The following AP3S1 variants were observed in gnomAD, a reference collection of about 807,000 sequenced individuals.
AP3S1 encodes the protein AP-3 complex subunit sigma-1.
A neutral mutation model predicts 21.3 loss-of-function variants in AP3S1; 12 were observed. The ratio of observed to expected loss-of-function variants is 0.56; its 90% confidence interval spans 0.36 to 0.91. The LOEUF is 0.91. AP3S1 is among the 40% of genes least tolerant of loss of function. AP3S1 has a pLI of 0.01. For synonymous variants in AP3S1, 48 were observed against 78.4 expected, an observed-to-expected ratio of 0.61 and a Z score of 2.05; for missense variants, 116 against 225.0, an observed-to-expected ratio of 0.52 and a Z score of 3.10.
At chr5:115,872,466 C>T (rs561086553) in intron 3 of AP3S1, among the ~76,000 whole-genome samples, 57 of 152,002 alleles carry the variant, frequency 3.7e-4, no homozygotes, top group Middle Eastern at 3.4e-3. Flanking sequence ...GTATATGTTT[C>T]TTCTTTGTTT....
At chr5:115,856,642 C>T (rs1417065863) in intron 1 of AP3S1, among the ~76,000 whole-genome samples, 3 of 151,310 alleles carry the variant, frequency 2.0e-5, no homozygotes, top group Non-Finnish European at 4.4e-5. Flanking sequence ...GTTTTTAAAA[C>T]GTTGTTGTTG....
At chr5:115,897,236 CAAT>C (rs1750827540) in intron 4 of AP3S1, among the ~76,000 whole-genome samples, 1 of 152,104 alleles carries the variant, frequency 6.6e-6, no homozygotes, top group Non-Finnish European at 1.5e-5. Context: ...TGGGATCATA[CAAT>C]ATGTATTTTG....
At chr5:115,908,391 A>C (rs1276430292) in intron 5 of AP3S1, among the ~76,000 whole-genome samples, 1 of 152,112 alleles carries the variant, frequency 6.6e-6, no homozygotes, top group Non-Finnish European at 1.5e-5. Flanking sequence ...CAAAGAGGAG[A>C]GAATAAGAAA....
intron 1 of AP3S1, among the ~76,000 whole-genome samples, chr5:115,846,095 T>C (rs1762042968): frequency 6.6e-6 from 1 of 152,166 alleles, no homozygotes; most frequent in South Asian, 2.1e-4. Context: ...AAACTAAATA[T>C]ATTTTTACAT....
intron 3 of AP3S1, among the ~76,000 whole-genome samples, chr5:115,874,689 G>A (rs1748550624): frequency 6.6e-6 from 1 of 152,044 alleles, no homozygotes; most frequent in South Asian, 2.1e-4. Context: ...ACTACCTTTT[G>A]AGGAATTATT....
chr5:115,910,281 A>C (rs2112595240), intron 5 of AP3S1, among the ~76,000 whole-genome samples: 1 of 151,914 alleles, frequency 6.6e-6, no homozygotes, highest in East Asian at 1.9e-4. Context: ...AAAAAAAAAA[A>C]AAAAAAGTTA....
intron 4 of AP3S1, among the ~76,000 whole-genome samples, chr5:115,900,493 C>T (rs1309659975): frequency 6.6e-6 from 1 of 152,188 alleles, no homozygotes; most frequent in Non-Finnish European, 1.5e-5. Flanking sequence ...TATTCATTTC[C>T]TGTTCCAGAC....
chr5:115,875,175 A>G (rs1748594931), intron 3 of AP3S1, among the ~76,000 whole-genome samples: 1 of 152,164 alleles, frequency 6.6e-6, no homozygotes, highest in African/African-American at 2.4e-5. Context: ...TCTCATTGTT[A>G]GAAGCATTTT....
intron 3 of AP3S1, among the ~76,000 whole-genome samples, chr5:115,889,828 A>G (rs116688331): frequency 0.014 from 2,105 of 152,298 alleles, 17 homozygotes; most frequent in Non-Finnish European, 0.017. Flanking sequence ...AATGATAAAA[A>G]GACCAATAGA....
intron 3 of AP3S1, among the ~76,000 whole-genome samples, chr5:115,883,442 C>G (rs1749486855): frequency 6.6e-6 from 1 of 152,226 alleles, no homozygotes; most frequent in South Asian, 2.1e-4. Context: ...TCACAACTTC[C>G]CTTGGCTACA....
intron 3 of AP3S1, among the ~76,000 whole-genome samples, chr5:115,892,299 C>T (rs746458563): frequency 5.3e-5 from 8 of 152,186 alleles, no homozygotes; most frequent in Admixed American, 2.6e-4. Flanking sequence ...ATCCAGCTCA[C>T]TGCTGGGTAT....
rs576139602 is a variant in AP3S1, at chr5:115,898,452, G to A, written c.345+3294G>A. On this transcript the variant is annotated intron_variant, in intron 4 of 5. Coordinates refer to ENST00000316788, the MANE Select transcript of AP3S1 (RefSeq NM_001284.4). ...GACAGACCCACCCCTACTCACAATT[G>A]GTTTGGATGTAGAGACTAACAATGT... is the stretch of plus-strand genomic sequence containing the variant. Among the ~76,000 whole-genome samples, 7 of 152,280 alleles carry A rather than the reference G, an allele frequency of 4.6e-5. No homozygotes were observed. In the South Asian group the frequency reaches 1.5e-3, roughly 32 times the overall value.
intron 3 of AP3S1, among the ~76,000 whole-genome samples, chr5:115,875,425 T>C (rs933640545): frequency 1.3e-5 from 2 of 152,188 alleles, no homozygotes; most frequent in African/African-American, 4.8e-5. Context: ...TCATCTATCA[T>C]GATGGTAGGC....
intron 1 of AP3S1, among the ~76,000 whole-genome samples, chr5:115,846,487 AAACTGTATTT>A (rs1561467107): frequency 6.6e-6 from 1 of 152,188 alleles, no homozygotes; most frequent in African/African-American, 2.4e-5. Flanking sequence ...TTTTTTTAAT[AAACTGTATTT>A]AATTAAACTG....
intron 1 of AP3S1, among the ~76,000 whole-genome samples, chr5:115,851,874 T>C (rs1762462111): frequency 6.6e-6 from 1 of 152,074 alleles, no homozygotes; most frequent in African/African-American, 2.4e-5. Context: ...TTGCTTTTGG[T>C]ATCATACCCA....
chr5:115,853,200 T>G (rs1762567796), intron 1 of AP3S1, among the ~76,000 whole-genome samples: 2 of 152,332 alleles, frequency 1.3e-5, no homozygotes, highest in Middle Eastern at 3.4e-3. Context: ...TATTGTGATT[T>G]TCACTTACAT....
At chr5:115,891,662 A>G (rs571615146) in intron 3 of AP3S1, among the ~76,000 whole-genome samples, 2 of 152,322 alleles carry the variant, frequency 1.3e-5, no homozygotes, top group Admixed American at 6.5e-5. Flanking sequence ...GAGCCCCCAC[A>G]CAGAGTCCGT....
chr5:115,867,385 A>C (rs991176787), intron 2 of AP3S1, among the ~76,000 whole-genome samples: 1 of 152,244 alleles, frequency 6.6e-6, no homozygotes, highest in East Asian at 1.9e-4. Flanking sequence ...CAATTTTTCT[A>C]TTTTTAAAAT....
At chr5:115,845,874 A>AAAAAT (rs1762023843) in intron 1 of AP3S1, among the ~76,000 whole-genome samples, 1 of 138,180 alleles carries the variant, frequency 7.2e-6, no homozygotes. Context: ...AAAAAAAAAA[A>AAAAAT]TTCAAGTCTG....
Sources: allele counts gnomAD v4.1 joint callset (sites outside exome capture counted in the v4.1 genomes callset), GRCh38; gene constraint gnomAD v4.1.1; transcripts MANE v1.5; gene names NCBI Gene and HGNC (gene_info 2026-07-23, HGNC 2026-07-21).